ARL15: variants seen among roughly 807,000 people sequenced by gnomAD.
ARL15 encodes ADP-ribosylation factor-like protein 15.
A neutral mutation model predicts 25.2 loss-of-function variants in ARL15; 19 were observed. That is an observed-to-expected ratio of 0.75 (90% CI 0.53 to 1.10). ARL15 has a LOEUF of 1.10. Among genes scored for constraint, ARL15 ranks in the 50% least tolerant of loss-of-function variants. ARL15 has a pLI of 0.00. For missense variants in ARL15, 220 were observed against 246.0 expected (o/e 0.89, Z 0.71); for synonymous variants, 94 against 86.8 (o/e 1.08, Z -0.46).
At chr5:54,244,796 CCAT>C (rs1757045559) in intron 1 of ARL15, among the ~76,000 whole-genome samples, 1 of 87,136 alleles carries the variant, frequency 1.1e-5, no homozygotes. Context: ...AAAAAGGTAG[CCAT>C]AAAAAAAAAA....
At chr5:54,066,363 T>A (rs990516512) in intron 4 of ARL15, among the ~76,000 whole-genome samples, 2 of 152,210 alleles carry the variant, frequency 1.3e-5, no homozygotes, top group Non-Finnish European at 2.9e-5. Context: ...CATAAAAAAT[T>A]CAATAGAGAA....
intron 1 of ARL15, among the ~76,000 whole-genome samples, chr5:54,269,677 G>A (rs1234958458): frequency 2.0e-5 from 3 of 151,914 alleles, no homozygotes; most frequent in Non-Finnish European, 2.9e-5. Flanking sequence ...ACGGTGTCTC[G>A]CACTGTCGCC....
chr5:54,114,615 T>G, intron 3 of ARL15, among the ~76,000 whole-genome samples: 1 of 152,124 alleles, frequency 6.6e-6, no homozygotes, highest in Admixed American at 6.5e-5. Flanking sequence ...AGAGATGATT[T>G]AGTCCAACTC....
chr5:53,965,188 G>A (rs944646562), intron 4 of ARL15, among the ~76,000 whole-genome samples: 16 of 152,018 alleles, frequency 1.1e-4, no homozygotes, highest in South Asian at 2.1e-4. Context: ...TCTTTCTTCC[G>A]GACCTTGCAG....
intron 1 of ARL15, among the ~76,000 whole-genome samples, chr5:54,307,228 C>T (rs1259926453): frequency 1.3e-5 from 2 of 152,190 alleles, no homozygotes; most frequent in African/African-American, 4.8e-5. Flanking sequence ...AGGATTATAT[C>T]TTGATCATCT....
At chr5:53,929,880 G>A (rs975360012) in intron 4 of ARL15, among the ~76,000 whole-genome samples, 4 of 152,174 alleles carry the variant, frequency 2.6e-5, no homozygotes, top group East Asian at 3.9e-4. Flanking sequence ...AAAGCAAGCC[G>A]AGGAAGAGAG....
rs566730425 is a variant in ARL15, at chr5:54,221,122, G to A, written c.49-49194C>T. On this transcript the variant is annotated intron_variant, in intron 1 of 4. Transcript: ENST00000504924. ...TCTGTATCACAGTTTGGGCATATAC[G>A]AGAATTTTGTGTTCACTTTTAATTT... 5.9e-5 allele frequency among the ~76,000 whole-genome samples: 9 copies of A among 152,128 alleles called. No individual in the cohort carries two copies. The South Asian group carries it at 8.3e-4, about 14-fold the overall frequency.
At chr5:53,970,214 T>C (rs1384395260) in intron 4 of ARL15, among the ~76,000 whole-genome samples, 1 of 152,150 alleles carries the variant, frequency 6.6e-6, no homozygotes, top group Admixed American at 6.5e-5. Flanking sequence ...AAATAAAAAC[T>C]ATGAAACATA....
chr5:54,017,684 G>A (rs1749469683), intron 4 of ARL15, among the ~76,000 whole-genome samples: 2 of 151,528 alleles, frequency 1.3e-5, no homozygotes, highest in African/African-American at 2.4e-5. Flanking sequence ...CTAGAAAAAT[G>A]AGCCAGAGGC....
rs1173231591 is a variant in ARL15 at position 53,884,113 on chromosome 5, C to A, written c.*2448G>T. 6.6e-6 allele frequency: 1 copy of A among 151,952 alleles called. No individual in the cohort carries two copies. The highest frequency in any genetic ancestry group is 1.5e-5 in the Non-Finnish European group (1 of 68,004). 9.4% of individuals were successfully genotyped at this position (151,952 alleles called of 1,614,324 possible). On this transcript the variant is annotated 3_prime_UTR_variant, in exon 5 of 5. Coordinates refer to ENST00000504924, the MANE Select transcript of ARL15 (RefSeq NM_019087.3). Reference sequence around the variant, plus strand: ...GGGCAATATGGCAGTTAATTAGCAACCAATACTGTCAACTACAGTGGATAC... The same window carrying A: ...GGGCAATATGGCAGTTAATTAGCAAACAATACTGTCAACTACAGTGGATAC...
At chr5:54,039,800 T>TAAAAAAAAA (rs35030165) in intron 4 of ARL15, among the ~76,000 whole-genome samples, 9 of 52,550 alleles carry the variant, frequency 1.7e-4, no homozygotes, top group Non-Finnish European at 2.3e-4. Flanking sequence ...AGACTCTGTC[T>TAAAAAAAAA]AAAAAAAAAA....
chr5:53,959,188 T>C lies in ARL15; in HGVS notation c.463-72475A>G, dbSNP rs1014522903. Among the ~76,000 whole-genome samples the C allele has an allele frequency of 7.2e-5, 11 of 152,340 alleles. No individual in the cohort carries two copies. In the East Asian group the frequency reaches 2.1e-3, roughly 29 times the overall value. Reference sequence around the variant, plus strand: ...AACAAGTCTCAATAAATTTAAAGTATGGTAAAAATTATTACAATTTTAAGT... The same window carrying C: ...AACAAGTCTCAATAAATTTAAAGTACGGTAAAAATTATTACAATTTTAAGT... On this transcript the variant is annotated intron_variant, in intron 4 of 4. Coordinates refer to ENST00000504924, the MANE Select transcript of ARL15 (RefSeq NM_019087.3).
chr5:54,175,263 T>C (rs1754833698), intron 1 of ARL15, among the ~76,000 whole-genome samples: 1 of 152,202 alleles, frequency 6.6e-6, no homozygotes, highest in Non-Finnish European at 1.5e-5. Flanking sequence ...CCTAAGCCAC[T>C]TCTGACATAA....
At chr5:54,095,372 C>T (rs967314924) in intron 4 of ARL15, among the ~76,000 whole-genome samples, 6 of 152,086 alleles carry the variant, frequency 3.9e-5, no homozygotes, top group Non-Finnish European at 7.4e-5. Context: ...TTTATAGCCC[C>T]GTGCCTTTTC....
At chr5:54,089,290 C>T (rs940222619) in intron 4 of ARL15, among the ~76,000 whole-genome samples, 4 of 152,038 alleles carry the variant, frequency 2.6e-5, no homozygotes, top group East Asian at 1.9e-4. Context: ...TTAGACTGTA[C>T]GTTAATTAAG....
intron 4 of ARL15, 45 bp from the exon 5 acceptor site, chr5:53,886,758 G>A (rs1034600372): frequency 1.3e-6 from 2 of 1,486,638 alleles, no homozygotes; most frequent in African/African-American, 2.9e-5. Flanking sequence ...AATTATATCA[G>A]AAACTTTCTC....
At chr5:54,247,489 C>T (rs1191259398) in intron 1 of ARL15, among the ~76,000 whole-genome samples, 1 of 148,406 alleles carries the variant, frequency 6.7e-6, no homozygotes, top group Non-Finnish European at 1.5e-5. Flanking sequence ...TCAACAACTT[C>T]AAAACAAAAA....
At position 53,884,561 on chromosome 5, in the gene ARL15, G is replaced by A. The variant is rs550768941; in HGVS notation, c.*2000C>T. On this transcript the variant is annotated 3_prime_UTR_variant, in exon 5 of 5. Coordinates refer to ENST00000504924, the MANE Select transcript of ARL15 (RefSeq NM_019087.3). ...AGCATTAGGCGTCAGACAGAAACTTGTCAAAAACAGCTGTTGTTGGGTACT... is the reference window on the plus strand; with the variant it reads ...AGCATTAGGCGTCAGACAGAAACTTATCAAAAACAGCTGTTGTTGGGTACT... 3.9e-5 allele frequency: 6 copies of A among 152,196 alleles called. No homozygotes were observed. The highest frequency in any genetic ancestry group is 3.3e-4 in the Admixed American group (5 of 15,284). The allele number at this position is 152,196 out of a possible 1,614,324, so 9.4% of individuals were successfully genotyped here.
intron 4 of ARL15, among the ~76,000 whole-genome samples, chr5:54,102,156 G>A (rs1431831889): frequency 6.6e-6 from 1 of 151,850 alleles, no homozygotes; most frequent in Non-Finnish European, 1.5e-5. Context: ...GGAATTACAG[G>A]CGTGCACCAC....
Sources: allele counts gnomAD v4.1 joint callset (sites outside exome capture counted in the v4.1 genomes callset), GRCh38; gene constraint gnomAD v4.1.1; transcripts MANE v1.5; gene names NCBI Gene and HGNC (gene_info 2026-07-23, HGNC 2026-07-21).